The following ATF6B variants were observed in gnomAD, a reference collection of about 807,000 sequenced individuals.
The protein encoded by ATF6B is activating transcription factor 6 beta, also known as cyclic AMP-dependent transcription factor ATF-6 beta.
In ATF6B, 50 loss-of-function variants were observed where a neutral mutation model predicts 83.5. That is an observed-to-expected ratio of 0.60 (90% CI 0.48 to 0.76). The LOEUF is 0.76. Among genes scored for constraint, ATF6B ranks in the 30% least tolerant of loss-of-function variants. The pLI, the probability that ATF6B is intolerant of heterozygous loss-of-function variation, is 0.00. For synonymous variants in ATF6B, 344 were observed against 362.8 expected (o/e 0.95, Z 0.59); for missense variants, 790 against 893.8 (o/e 0.88, Z 1.48).
At chr6:32,122,273 G>A (rs1467598632) in intron 5 of ATF6B, among the ~76,000 whole-genome samples, 1 of 152,090 alleles carries the variant, frequency 6.6e-6, no homozygotes, top group Non-Finnish European at 1.5e-5. Flanking sequence ...CAAAGCCTCA[G>A]TCACCTCTGA....
rs558765279 is a variant in ATF6B at position 32,116,637 on chromosome 6, T to A, written c.1797+67A>T. On this transcript the variant is annotated intron_variant, in intron 16 of 17. Transcript: ENST00000375203. The surrounding 1 kb of genome is among the most constrained non-coding windows in gnomAD (Gnocchi z 5.1). ...ACAAGCTCCCCAGCCCTACTCTACA[T>A]CCCCCCACTGAAGACAGACTGCTGG... 54 of 1,603,240 alleles carry A rather than the reference T, an allele frequency of 3.4e-5. 1 individual carries two copies. The Admixed American group carries it at 8.7e-4, about 26-fold the overall frequency.
intron 4 of ATF6B, 99 bp downstream of exon 4, chr6:32,127,004 A>T: frequency 8.8e-7 from 1 of 1,131,344 alleles, no homozygotes; most frequent in Admixed American, 3.0e-5. Flanking sequence ...CATGACTCAT[A>T]GCACACAAAT....
In ATF6B at chr6:32,118,984, C is replaced by T. The variant is rs772646365; in HGVS notation, c.1124G>A (p.Arg375Gln). The T allele has an allele frequency of 1.9e-5, 30 of 1,613,934 alleles. No homozygotes were observed. Among genetic ancestry groups the T allele is most frequent in the South Asian group, 3.3e-5 (3 of 91,082 alleles). ...QQLRRENAAL[R>Q]RRLEALLAEN... ...AGCCAGCAGGGCCTCCAGCCGCCGC[C>T]GGAGGGCAGCATTCTCTCGGCGGAG... The change falls in exon 10 of 18, where the codon CGG (arginine) becomes CAG (glutamine). Residue 375 changes from arginine to glutamine, a missense_variant. Physicochemically the swap from Arg to Gln is conservative, Grantham distance 43. Coordinates refer to ENST00000375203, the MANE Select transcript of ATF6B (RefSeq NM_004381.5). This position sits in a 1 kb window ranked among gnomAD's most constrained non-coding sequence, Gnocchi z 5.2.
chr6:32,123,437 C>A (rs1781844519), intron 5 of ATF6B, among the ~76,000 whole-genome samples: 1 of 152,004 alleles, frequency 6.6e-6, no homozygotes, highest in Non-Finnish European at 1.5e-5. Flanking sequence ...CCTTTTGCTG[C>A]TAATAGCAGT....
chr6:32,127,478 A>T lies in ATF6B; in HGVS notation c.214T>A (p.Ser72Thr). 1 of 1,613,392 alleles carries T rather than the reference A, an allele frequency of 6.2e-7. No homozygotes were observed. Among genetic ancestry groups the T allele is most frequent in the Non-Finnish European group, 8.5e-7 (1 of 1,179,510 alleles). The change falls in exon 3 of 18, where the codon TCT (serine) becomes ACT (threonine). Residue 72 changes from serine to threonine, a missense_variant. Ser to Thr is a moderately conservative substitution (Grantham distance 58). This residue lies in a region of ATF6B where 253 missense variants were observed against 243.1 expected (regional missense o/e 1.04). Coordinates refer to ENST00000375203, the MANE Select transcript of ATF6B (RefSeq NM_004381.5). The part of the protein sequence containing the change: ...SLDVGMDVSP[S>T]EPPWELLPIF... ...GGCAGGAGTTCCCATGGGGGCTCAG[A>T]GGGGCTGACATCCATCCCCACGTCC...
At chr6:32,127,823 C>T in intron 1 of ATF6B, 73 bp from the exon 2 acceptor site, 1 of 1,516,962 alleles carries the variant, frequency 6.6e-7, no homozygotes, top group Non-Finnish European at 9.1e-7. Flanking sequence ...GCCCCCGCCC[C>T]ATCCCTCATT....
chr6:32,124,006 C>A (rs554827436), intron 5 of ATF6B, among the ~76,000 whole-genome samples: 1 of 152,248 alleles, frequency 6.6e-6, no homozygotes, highest in South Asian at 2.1e-4. Flanking sequence ...GAATTCAAGA[C>A]CAGCCTAACA....
At position 32,125,952 on chromosome 6, in the gene ATF6B, C is replaced by G; in HGVS notation, c.478+165G>C. The G allele has an allele frequency of 1.0e-6, 1 of 976,020 alleles. No individual in the cohort carries two copies. The highest frequency in any genetic ancestry group is 1.5e-6 in the Non-Finnish European group (1 of 670,692). The allele number at this position is 976,020 out of a possible 1,614,324, so 60.5% of individuals were successfully genotyped here. A position where few individuals can be genotyped will look rare whatever the true frequency, so the allele number is the denominator to read the frequency against. The stretch of plus-strand genomic sequence containing the variant: ...CTTGCTGTGGTTCCCTGAAATGTTT[C>G]CTCTCCTTCCTGCCTTCCCTCCTGG... On this transcript the variant is annotated intron_variant, in intron 5 of 17. Transcript: ENST00000375203. The surrounding 1 kb of genome is among the most constrained non-coding windows in gnomAD (Gnocchi z 4.1).
rs768090887 is a variant in ATF6B at position 32,116,958 on chromosome 6, G to A, written c.1685+79C>T. 6.4e-6 allele frequency: 10 copies of A among 1,554,744 alleles called. No homozygotes were observed. The highest frequency in any genetic ancestry group is 8.9e-6 in the Non-Finnish European group (10 of 1,128,438). ...AATCCCACTGGTGACAGTAATGACA[G>A]GCACAGGACAGCTACTGGGGGTACA... is the stretch of plus-strand genomic sequence containing the variant. On this transcript the variant is annotated intron_variant, in intron 15 of 17. Coordinates refer to ENST00000375203, the MANE Select transcript of ATF6B (RefSeq NM_004381.5). The surrounding 1 kb of genome is among the most constrained non-coding windows in gnomAD (Gnocchi z 5.1).
chr6:32,128,171 G>C lies in ATF6B; in HGVS notation c.37C>G (p.Pro13Ala). Residue 13 changes from proline (P) to alanine (A), a missense_variant, in exon 1 of 18, where the codon CCG (proline) becomes GCG (alanine). Pro to Ala is a conservative substitution (Grantham distance 27, BLOSUM62 -1). Coordinates refer to ENST00000375203, the MANE Select transcript of ATF6B (RefSeq NM_004381.5). Reference sequence around the variant, plus strand: ...AGGTTGTCGGTGAAGAAACGCGTCGGGTCAGCAATCTCGCTGAGCAGCATC... The same window carrying C: ...AGGTTGTCGGTGAAGAAACGCGTCGCGTCAGCAATCTCGCTGAGCAGCATC... ...ELMLLSEIAD[P>A]TRFFTDNLLS... is the part of the protein sequence containing the mutation. 1 of 1,612,730 alleles carries C rather than the reference G, an allele frequency of 6.2e-7. No homozygotes were observed. The highest frequency in any genetic ancestry group is 8.5e-7 in the Non-Finnish European group (1 of 1,179,846).
At chr6:32,126,042 T>C in intron 5 of ATF6B, 75 bp downstream of exon 5, 1 of 1,568,502 alleles carries the variant, frequency 6.4e-7, no homozygotes, top group Non-Finnish European at 8.7e-7. Flanking sequence ...CCCCTCCATC[T>C]ACACACATAC....
rs1781627334 is a variant in ATF6B at position 32,118,638 on chromosome 6, GAC to G, written c.1244+135_1244+136del. 1.2e-6 allele frequency: 1 copy of G among 817,442 alleles called. No homozygotes were observed. The highest frequency in any genetic ancestry group is 2.4e-5 in the Admixed American group (1 of 42,410). 50.6% of individuals were successfully genotyped at this position (817,442 alleles called of 1,614,324 possible). ...TAATGGAGCAGGAAGGGGCTGGCCA[GAC>G]ACATCATCGGTGCCAAGGACACCAG... On this transcript the variant is annotated intron_variant, in intron 11 of 17. Coordinates refer to ENST00000375203, the MANE Select transcript of ATF6B (RefSeq NM_004381.5). This position sits in a 1 kb window ranked among gnomAD's most constrained non-coding sequence, Gnocchi z 5.2.
At position 32,120,830 on chromosome 6, in the gene ATF6B, GA is replaced by G. The variant is rs1378563269; in HGVS notation, c.772del (p.Ser258ProfsTer69). 4 of 1,608,774 alleles carry G rather than the reference GA, an allele frequency of 2.5e-6. No homozygotes were observed. The highest frequency in any genetic ancestry group is 3.4e-6 in the Non-Finnish European group (4 of 1,177,166). ...PVVLTTVPMP[S>X]RAVPPSTTVL... ...TGTGGTGCTGGGAGGCACAGCTCTG[GA>G]TGGCATTGGGACAGTGGTTAGCACT... On this transcript the variant is annotated frameshift_variant, in exon 8 of 18. Transcript: ENST00000375203. LOFTEE classifies it high-confidence loss of function.
Position 32,118,981 on chromosome 6 carries a change from C to T in ATF6B, c.1127G>A (p.Arg376Gln), listed in dbSNP as rs573495705. The change falls in exon 10 of 18, where the codon CGG becomes CAG. Residue 376 changes from arginine (R) to glutamine (Q), a missense_variant. Arg to Gln is a conservative substitution (Grantham distance 43). Transcript: ENST00000375203. The surrounding 1 kb of genome is among the most constrained non-coding windows in gnomAD (Gnocchi z 5.2). ...QLRRENAALR[R>Q]RLEALLAENS... The stretch of plus-strand genomic sequence containing the variant: ...TTCAGCCAGCAGGGCCTCCAGCCGC[C>T]GCCGGAGGGCAGCATTCTCTCGGCG... The T allele has an allele frequency of 2.5e-6, 4 of 1,614,038 alleles. No individual in the cohort carries two copies. Among genetic ancestry groups the T allele is most frequent in the South Asian group, 2.2e-5 (2 of 91,086 alleles).
At position 32,118,469 on chromosome 6, in the gene ATF6B, G is replaced by A. The variant is rs140344299; in HGVS notation, c.1244+306C>T. Among the ~76,000 whole-genome samples, 534 of 152,244 alleles carry A rather than the reference G, an allele frequency of 3.5e-3. 4 individuals are homozygous for A. The highest frequency in any genetic ancestry group is 0.012 in the African/African-American group (492 of 41,552). On this transcript the variant is annotated intron_variant, in intron 11 of 17. Coordinates refer to ENST00000375203, the MANE Select transcript of ATF6B (RefSeq NM_004381.5). The surrounding 1 kb of genome is among the most constrained non-coding windows in gnomAD (Gnocchi z 5.2). ...AAATTAGCCGGGCATGGTGGCGTGC[G>A]CCTGTAGTCCCAGCTACTTGGGAGG...
Position 32,119,809 on chromosome 6 carries a change from C to G in ATF6B, c.966+15G>C. 6.2e-7 allele frequency: 1 copy of G among 1,612,990 alleles called. No individual in the cohort carries two copies. ...TCCCATCACTCGCCCTACTTCTCTC[C>G]TCCCCAACACTTACATCCACTTCAG... On this transcript the variant is annotated intron_variant, in intron 9 of 17. Coordinates refer to ENST00000375203, the MANE Select transcript of ATF6B (RefSeq NM_004381.5). The surrounding 1 kb of genome is among the most constrained non-coding windows in gnomAD (Gnocchi z 4.9).
Position 32,116,536 on chromosome 6 carries a change from T to C in ATF6B, c.1826A>G (p.His609Arg). 6.2e-7 allele frequency: 1 copy of C among 1,602,100 alleles called. No homozygotes were observed. Among genetic ancestry groups the C allele is most frequent in the South Asian group, 1.1e-5 (1 of 89,028 alleles). ...CATCTTGGGCCGGGAGGTCTTGTTG[T>C]GGCTGATGGCTGGGAGCAGCAGGTG... ...RDHLLLPAIS[H>R]NKTSRPKMSL... The change falls in exon 17 of 18, where the codon CAC becomes CGC. Residue 609 changes from histidine to arginine, a missense_variant. Physicochemically the swap from His to Arg is conservative, Grantham distance 29. This residue lies in a region of ATF6B where 530 missense variants were observed against 632.6 expected (regional missense o/e 0.84). Coordinates refer to ENST00000375203, the MANE Select transcript of ATF6B (RefSeq NM_004381.5). The surrounding 1 kb of genome is among the most constrained non-coding windows in gnomAD (Gnocchi z 5.1).
In ATF6B at chr6:32,119,229, AG is replaced by A; in HGVS notation, c.967-89del. 6.8e-7 allele frequency: 1 copy of A among 1,462,580 alleles called. No individual in the cohort carries two copies. The highest frequency in any genetic ancestry group is 9.1e-7 in the Non-Finnish European group (1 of 1,099,572). 90.6% of individuals were successfully genotyped at this position (1,462,580 alleles called of 1,614,324 possible). On this transcript the variant is annotated intron_variant, in intron 9 of 17. Transcript: ENST00000375203. This position sits in a 1 kb window ranked among gnomAD's most constrained non-coding sequence, Gnocchi z 4.9. ...AAACCCCAAGGAATGATTTACCCAA[AG>A]CTCACATGGCCATTCCCCTGCCTTC... is the stretch of plus-strand genomic sequence containing the variant.
In ATF6B at chr6:32,123,271, G is replaced by C. The variant is rs950381003; in HGVS notation, c.479-1923C>G. 1.4e-5 allele frequency among the ~76,000 whole-genome samples: 2 copies of C among 142,406 alleles called. 1 individual carries two copies. The highest frequency in any genetic ancestry group is 4.1e-4 in the East Asian group (2 of 4,908). 93.4% of individuals were successfully genotyped at this position (142,406 alleles called of 152,430 possible). A position where few individuals can be genotyped will look rare whatever the true frequency, so the allele number is the denominator to read the frequency against. ...AAAAAAAAGGGAACTATTTAACCAT[G>C]ATGTATTATAACCCTCACAAAACTC... is the stretch of plus-strand genomic sequence containing the variant. On this transcript the variant is annotated intron_variant, in intron 5 of 17. Transcript: ENST00000375203.
Sources: allele counts gnomAD v4.1 joint callset (sites outside exome capture counted in the v4.1 genomes callset), GRCh38; gene constraint gnomAD v4.1.1; regional missense constraint gnomAD v4.1.1; non-coding constraint Gnocchi (gnomAD v3.1); transcripts MANE v1.5; gene names NCBI Gene and HGNC (gene_info 2026-07-23, HGNC 2026-07-21).